The following PLAAT3 variants were observed in gnomAD, a reference collection of about 807,000 sequenced individuals.
PLAAT3 encodes the protein Ca-independent phospholipase A1/2.
PLAAT3 carries 21 observed loss-of-function variants against 16.7 expected under a neutral mutation model. That is an observed-to-expected ratio of 1.26 (90% CI 0.89 to 1.81). The LOEUF (loss-of-function observed/expected upper bound fraction) is 1.81. PLAAT3 is among the 40% of genes most tolerant of loss of function. The pLI is 0.00. For missense variants in PLAAT3, 219 were observed against 213.7 expected (o/e 1.02, Z -0.16); for synonymous variants, 76 against 81.7 (o/e 0.93, Z 0.38).
intron 3 of PLAAT3, among the ~76,000 whole-genome samples, chr11:63,591,681 G>T (rs1257083289): frequency 6.6e-6 from 1 of 152,238 alleles, no homozygotes; most frequent in Non-Finnish European, 1.5e-5. Flanking sequence ...TACATGCAAT[G>T]CCAAGATATT....
chr11:63,589,013 A>G (rs909376557), intron 4 of PLAAT3, among the ~76,000 whole-genome samples: 1 of 143,458 alleles, frequency 7.0e-6, no homozygotes, highest in Non-Finnish European at 1.5e-5. Flanking sequence ...AGGATAATTT[A>G]AAAAAAAAAA....
At chr11:63,598,222 G>A in intron 2 of PLAAT3, 59 bp from the exon 3 acceptor site, 3 of 1,173,340 alleles carry the variant, frequency 2.6e-6, no homozygotes, top group Non-Finnish European at 3.8e-6. Context: ...CCAGGACAGG[G>A]CTCAGTGAGG....
Position 63,598,164 on chromosome 11 carries a change from CT to C in PLAAT3, c.16-2del, listed in dbSNP as rs1565253448. On this transcript the variant is annotated splice_acceptor_variant, in intron 2 of 4. Transcript: ENST00000415826. LOFTEE classifies it high-confidence loss of function. ...TCAGGTCTCCAGGCTTAGGCTCTGG[CT>C]GCAAAACCAAGAACAGGGCTGTTAG... The C allele has an allele frequency of 1.8e-5, 29 of 1,609,894 alleles. No individual in the cohort carries two copies. Among genetic ancestry groups the C allele is most frequent in the Non-Finnish European group, 2.3e-5 (27 of 1,176,194 alleles).
intron 4 of PLAAT3, 31 bp from the exon 5 acceptor site, chr11:63,575,077 TGTG>T: frequency 5.6e-6 from 8 of 1,429,088 alleles, no homozygotes; most frequent in Non-Finnish European, 7.9e-6. Flanking sequence ...GGTCACACTC[TGTG>T]TCAGGATCCA....
At chr11:63,580,898 A>G (rs1937792822) in intron 4 of PLAAT3, among the ~76,000 whole-genome samples, 1 of 152,232 alleles carries the variant, frequency 6.6e-6, no homozygotes. Context: ...ACAGCAGAAG[A>G]ACATAAATTG....
At chr11:63,576,300 A>G (rs1263639730) in intron 4 of PLAAT3, among the ~76,000 whole-genome samples, 1 of 152,006 alleles carries the variant, frequency 6.6e-6, no homozygotes, top group Non-Finnish European at 1.5e-5. Flanking sequence ...TTTTTGACAG[A>G]CTGAAAACTG....
chr11:63,581,930 T>C (rs887309772), intron 4 of PLAAT3, among the ~76,000 whole-genome samples: 6 of 152,230 alleles, frequency 3.9e-5, no homozygotes, highest in African/African-American at 1.4e-4. Context: ...GCAAGAAAAT[T>C]GATTTTCTCC....
intron 3 of PLAAT3, among the ~76,000 whole-genome samples, chr11:63,592,187 G>T (rs1292376672): frequency 6.6e-6 from 1 of 151,756 alleles, no homozygotes; most frequent in East Asian, 1.9e-4. Flanking sequence ...CTTATTTTGA[G>T]ACAGAGTCTC....
upstream of PLAAT3, among the ~76,000 whole-genome samples, chr11:63,615,062 ATGTGTGTATATATGTG>A (rs1938805900): frequency 1.4e-4 from 1 of 7,374 alleles, no homozygotes; most frequent in African/African-American, 1.7e-4. Context: ...GTGTATATAT[ATGTGTGTATATATGTG>A]TGTATATATG....
intron 2 of PLAAT3, among the ~76,000 whole-genome samples, chr11:63,600,515 T>G (rs1938396978): frequency 6.6e-6 from 1 of 152,194 alleles, no homozygotes; most frequent in Non-Finnish European, 1.5e-5. Context: ...AGGGACTGAC[T>G]AGCAAGAGGC....
chr11:63,616,131 C>G (rs1367759522), upstream of PLAAT3, among the ~76,000 whole-genome samples: 1 of 152,168 alleles, frequency 6.6e-6, no homozygotes, highest in African/African-American at 2.4e-5. Flanking sequence ...CCGTAATTTT[C>G]AAGAACATAG....
At position 63,590,353 on chromosome 11, in the gene PLAAT3, G is replaced by A; in HGVS notation, c.134C>T (p.Ala45Val). The change falls in exon 4 of 5, where the codon GCT becomes GTT. Residue 45 changes from alanine to valine, a missense_variant. Physicochemically the swap from Ala to Val is moderately conservative, Grantham distance 64 (BLOSUM62 0). Transcript: ENST00000415826. ...HLAPPSEVAG[A>V]GAASVMSALT... Reference sequence around the variant, plus strand: ...GGCGGACATGACACTGGCTGCACCAGCTCCTGCGACCTCACCTGCAGATCC... The same window carrying A: ...GGCGGACATGACACTGGCTGCACCAACTCCTGCGACCTCACCTGCAGATCC... 1 of 1,613,976 alleles carries A rather than the reference G, an allele frequency of 6.2e-7. No homozygotes were observed. The highest frequency in any genetic ancestry group is 8.5e-7 in the Non-Finnish European group (1 of 1,179,960).
intron 3 of PLAAT3, among the ~76,000 whole-genome samples, chr11:63,590,594 G>A (rs1187842736): frequency 6.6e-6 from 1 of 152,184 alleles, no homozygotes; most frequent in Non-Finnish European, 1.5e-5. Flanking sequence ...GATTTACTGT[G>A]ATTTTTTTCT....
At chr11:63,596,262 AAAGAG>A (rs1312603709) in intron 3 of PLAAT3, among the ~76,000 whole-genome samples, 2 of 146,166 alleles carry the variant, frequency 1.4e-5, no homozygotes, top group African/African-American at 5.0e-5. Context: ...AAAAAAAAAA[AAAGAG>A]TTGAGTGTGT....
intron 3 of PLAAT3, among the ~76,000 whole-genome samples, chr11:63,593,443 A>G (rs1351710176): frequency 6.6e-6 from 1 of 152,228 alleles, no homozygotes; most frequent in African/African-American, 2.4e-5. Context: ...AAGGAGGCCA[A>G]CGTTGCTGGA....
chr11:63,575,241 G>T (rs1179051822), intron 4 of PLAAT3, among the ~76,000 whole-genome samples, 195 bp from the exon 5 acceptor site: 2 of 152,262 alleles, frequency 1.3e-5, no homozygotes, highest in African/African-American at 4.8e-5. Flanking sequence ...GCTGGAGCCA[G>T]CTGGCCTGAA....
chr11:63,594,556 T>C (rs1000816281), intron 3 of PLAAT3, among the ~76,000 whole-genome samples: 1 of 151,734 alleles, frequency 6.6e-6, no homozygotes, highest in Non-Finnish European at 1.5e-5. Flanking sequence ...CCTTGAGAAC[T>C]GCTCTGTCAG....
At chr11:63,577,249 G>A (rs959352278) in intron 4 of PLAAT3, among the ~76,000 whole-genome samples, 3 of 151,472 alleles carry the variant, frequency 2.0e-5, no homozygotes, top group African/African-American at 7.3e-5. Context: ...TTAGCTCACT[G>A]CAATCTCCAC....
At chr11:63,598,298 C>T in intron 2 of PLAAT3, 135 bp from the exon 3 acceptor site, 2 of 652,694 alleles carry the variant, frequency 3.1e-6, no homozygotes, top group South Asian at 3.6e-5. Context: ...CCTGCTCTGC[C>T]AGGTCCAATG....
Sources: allele counts gnomAD v4.1 joint callset (sites outside exome capture counted in the v4.1 genomes callset), GRCh38; gene constraint gnomAD v4.1.1; transcripts MANE v1.5; gene names NCBI Gene and HGNC (gene_info 2026-07-23, HGNC 2026-07-21).